Variants in TCFL5 observed in about 807,000 individuals in gnomAD.
TCFL5 encodes the protein transcription factor like 5.
Under a neutral mutation model 44.3 loss-of-function variants are expected in TCFL5, and 9 were observed. The ratio of observed to expected loss-of-function variants is 0.20; its 90% CI spans 0.12 to 0.35. TCFL5 has a LOEUF of 0.35. TCFL5 is among the 10% of genes least tolerant of loss of function. The pLI is 1.00. For missense variants in TCFL5, 603 were observed against 613.4 expected, an observed-to-expected ratio of 0.98 and a Z score of 0.18; for synonymous variants, 319 against 271.6, an observed-to-expected ratio of 1.17 and a Z score of -1.72.
rs2063675921 is a variant in TCFL5, at chr20:62,841,153, TC to T, written c.*821del. The T allele has an allele frequency of 4.8e-6, 1 of 206,880 alleles. No individual in the cohort carries two copies. The highest frequency in any genetic ancestry group is 7.1e-5 in the South Asian group (1 of 14,112). The allele number at this position is 206,880 out of a possible 1,614,324, so 12.8% of individuals were successfully genotyped here. On this transcript the variant is annotated 3_prime_UTR_variant, in exon 6 of 6. Coordinates refer to ENST00000335351, the MANE Select transcript of TCFL5 (RefSeq NM_006602.4). ...AGAATTTAATGTACAGTAAATTCTC[TC>T]CCATACAAAGGTCTAGTCTGATGTT... is the stretch of plus-strand genomic sequence containing the variant.
At chr20:62,858,006 C>G (rs1464827385) in intron 3 of TCFL5, among the ~76,000 whole-genome samples, 1 of 150,556 alleles carries the variant, frequency 6.6e-6, no homozygotes, top group Non-Finnish European at 1.5e-5. Flanking sequence ...AAAAAAACAA[C>G]AACAACAAAC....
intron 4 of TCFL5, among the ~76,000 whole-genome samples, chr20:62,857,010 AAC>A (rs1185574979): frequency 3.3e-5 from 5 of 152,220 alleles, no homozygotes; most frequent in Admixed American, 3.3e-4. Flanking sequence ...CCTGGTTGGC[AAC>A]ACCTCACCCA....
rs577216897 is a variant in TCFL5, at chr20:62,850,565, G to A, written c.1380+3451C>T. On this transcript the variant is annotated intron_variant, in intron 5 of 5. Transcript: ENST00000335351. ...CCCCCTGGCAGCCATCGCCCGGCAA[G>A]CCACATCTTCCAGCTACTGCAGACT... is the stretch of plus-strand genomic sequence containing the variant. 1.2e-3 allele frequency among the ~76,000 whole-genome samples: 178 copies of A among 152,282 alleles called. 5 individuals carry two copies. The highest frequency in any genetic ancestry group is 0.012 in the Admixed American group (177 of 15,290).
At chr20:62,846,768 A>AG in intron 5 of TCFL5, among the ~76,000 whole-genome samples, 1 of 147,760 alleles carries the variant, frequency 6.8e-6, no homozygotes, top group African/African-American at 2.4e-5. Flanking sequence ...CTCGCTGGGA[A>AG]AAAAAAAAAA....
At position 62,854,104 on chromosome 20, in the gene TCFL5, T is replaced by C. The variant is rs747931679; in HGVS notation, c.1292A>G (p.Asn431Ser). ...AGTTGTGGCCTTGTCAGTCTCGGCATTGCAGAACGGCACTAAGAGATTCAA... is the reference window on the plus strand; with the variant it reads ...AGTTGTGGCCTTGTCAGTCTCGGCACTGCAGAACGGCACTAAGAGATTCAA... Reference protein sequence around the residue: ...DELNLLVPFCNAETDKATTLQ... With the variant: ...DELNLLVPFCSAETDKATTLQ... The change falls in exon 5 of 6, where the codon AAT (asparagine) becomes AGT (serine). Residue 431 changes from asparagine (N) to serine (S), a missense_variant. This residue lies in a region of TCFL5 where 21 missense variants were observed against 54.0 expected (regional missense o/e 0.39). Transcript: ENST00000335351. The C allele has an allele frequency of 4.3e-6, 7 of 1,614,160 alleles. No homozygotes were observed. Among genetic ancestry groups the C allele is most frequent in the East Asian group, 2.2e-5 (1 of 44,882 alleles).
At chr20:62,847,741 G>A (rs2063761620) in intron 5 of TCFL5, among the ~76,000 whole-genome samples, 1 of 152,262 alleles carries the variant, frequency 6.6e-6, no homozygotes, top group Non-Finnish European at 1.5e-5. Flanking sequence ...CAGGCGCGGT[G>A]GCTCACGTTG....
Position 62,845,333 on chromosome 20 carries a change from G to A in TCFL5, c.1381-3236C>T, listed in dbSNP as rs2063727102. The A allele has an allele frequency of 4.9e-6, 5 of 1,029,710 alleles. No homozygotes were observed. In the South Asian group the frequency reaches 6.2e-5, roughly 13 times the overall value. The allele number at this position is 1,029,710 out of a possible 1,614,324, so 63.8% of individuals were successfully genotyped here. A position where few individuals can be genotyped will look rare whatever the true frequency, so the allele number is the denominator to read the frequency against. ...GACGGGGGTCACACCGTATTGGCCA[G>A]GCTGGTCTCGAACTCCTGACCTCAG... On this transcript the variant is annotated intron_variant, in intron 5 of 5. Transcript: ENST00000335351.
At chr20:62,855,065 G>A (rs371717301) in intron 4 of TCFL5, among the ~76,000 whole-genome samples, 2 of 152,192 alleles carry the variant, frequency 1.3e-5, no homozygotes, top group East Asian at 1.9e-4. Context: ...AATAAATGTC[G>A]GAGCAAAATG....
At position 62,861,001 on chromosome 20, in the gene TCFL5, GC is replaced by G; in HGVS notation, c.647+22del. On this transcript the variant is annotated intron_variant, in intron 1 of 5. Coordinates refer to ENST00000335351, the MANE Select transcript of TCFL5 (RefSeq NM_006602.4). The surrounding 1 kb of genome is among the most constrained non-coding windows in gnomAD (Gnocchi z 4.0). ...CTCGGCCTCCACCCGGGCCCCGCCA[GC>G]CCCCGGCCGCCGGGCACGCACTTGT... 1.0e-6 allele frequency: 1 copy of G among 992,188 alleles called. No homozygotes were observed. Among genetic ancestry groups the G allele is most frequent in the Non-Finnish European group, 1.2e-6 (1 of 835,244 alleles). The allele number at this position is 992,188 out of a possible 1,614,324, so 61.5% of individuals were successfully genotyped here.
At chr20:62,848,301 C>A (rs1038873104) in intron 5 of TCFL5, among the ~76,000 whole-genome samples, 2 of 152,240 alleles carry the variant, frequency 1.3e-5, no homozygotes, top group African/African-American at 4.8e-5. Flanking sequence ...AGGGGCATCT[C>A]ACAACTAAAC....
intron 5 of TCFL5, among the ~76,000 whole-genome samples, chr20:62,847,433 C>T (rs539485253): frequency 6.6e-6 from 1 of 152,228 alleles, no homozygotes; most frequent in African/African-American, 2.4e-5. Context: ...AAAGCACTAC[C>T]ACTGACCCCA....
rs185010630 is a variant in TCFL5 at position 62,850,445 on chromosome 20, G to A, written c.1380+3571C>T. On this transcript the variant is annotated intron_variant, in intron 5 of 5. Coordinates refer to ENST00000335351, the MANE Select transcript of TCFL5 (RefSeq NM_006602.4). ...AAACAGCCCCATCCACCCAGCCACC[G>A]AGGCCAAACCCTGACGCCTTTTTCC... Among the ~76,000 whole-genome samples, 392 of 151,640 alleles carry A rather than the reference G, an allele frequency of 2.6e-3. 1 individual carries two copies. The highest frequency in any genetic ancestry group is 9.0e-3 in the African/African-American group (372 of 41,332).
intron 5 of TCFL5, among the ~76,000 whole-genome samples, chr20:62,847,709 G>T (rs529506974): frequency 1.3e-5 from 2 of 152,250 alleles, no homozygotes; most frequent in African/African-American, 4.8e-5. Flanking sequence ...TTCAAAAACA[G>T]AATGAAAATC....
At chr20:62,847,542 G>A (rs16983290) in intron 5 of TCFL5, among the ~76,000 whole-genome samples, 19,600 of 152,230 alleles carry the variant, frequency 0.13, 1,677 homozygotes, top group African/African-American at 0.24. Context: ...GGTGGCCAGA[G>A]GTAAGGAGGC....
rs1288527370 is a variant in TCFL5, at chr20:62,857,475, C to T, written c.1158G>A (p.Leu386=). 1 of 1,614,250 alleles carries T rather than the reference C, an allele frequency of 6.2e-7. No individual in the cohort carries two copies. The highest frequency in any genetic ancestry group is 8.5e-7 in the Non-Finnish European group (1 of 1,180,048). ...GGGGCCCACTCTGGGCCTGCTCCCC[C>T]AGGTTTGCCTGTGAGGACTCCGAGG... The part of the protein sequence containing the change: ...WQSSESSQAN[L]GEQAQSGPQG... The change falls in exon 4 of 6, where the codon CTG becomes CTA. Residue 386 remains leucine, a synonymous_variant. Transcript: ENST00000335351.
intron 5 of TCFL5, among the ~76,000 whole-genome samples, chr20:62,850,258 A>G (rs2063790435): frequency 6.6e-6 from 1 of 152,288 alleles, no homozygotes; most frequent in South Asian, 2.1e-4. Context: ...ACAGGTGTTC[A>G]CTGTAATTCC....
chr20:62,855,145 G>T (rs751520089), intron 4 of TCFL5, among the ~76,000 whole-genome samples: 2 of 152,200 alleles, frequency 1.3e-5, no homozygotes, highest in Non-Finnish European at 2.9e-5. Context: ...ATCATAAAAA[G>T]ATATTAGCTA....
At chr20:62,855,052 T>C (rs2063867168) in intron 4 of TCFL5, among the ~76,000 whole-genome samples, 3 of 152,236 alleles carry the variant, frequency 2.0e-5, no homozygotes, top group South Asian at 4.1e-4. Context: ...TAAATGTCTA[T>C]TAAATAAATG....
At chr20:62,845,209 C>T in intron 5 of TCFL5, 2 of 920,026 alleles carry the variant, frequency 2.2e-6, no homozygotes, top group Non-Finnish European at 2.6e-6. Context: ...GCAACCTTTG[C>T]CTCCTGGGTT....
Sources: allele counts gnomAD v4.1 joint callset (sites outside exome capture counted in the v4.1 genomes callset), GRCh38; gene constraint gnomAD v4.1.1; regional missense constraint gnomAD v4.1.1; non-coding constraint Gnocchi (gnomAD v3.1); transcripts MANE v1.5; gene names NCBI Gene and HGNC (gene_info 2026-07-23, HGNC 2026-07-21).